The following UGT1A3 variants were observed in gnomAD, a reference collection of about 807,000 sequenced individuals.
The protein encoded by UGT1A3 is UDP glucuronosyltransferase family 1 member A3.
UGT1A3 carries 31 observed loss-of-function variants against 41.0 expected under a neutral mutation model. That is an observed-to-expected ratio of 0.76 (90% CI 0.57 to 1.02). The LOEUF (loss-of-function observed/expected upper bound fraction) is 1.02. Among genes scored for constraint, UGT1A3 ranks in the 50% least tolerant of loss-of-function variants. The probability of loss-of-function intolerance (pLI) is 0.00; values close to 1 mark genes in which losing one functional copy is unlikely to be tolerated. For synonymous variants in UGT1A3, 262 were observed against 257.6 expected, an observed-to-expected ratio of 1.02 and a Z score of -0.17; for missense variants, 737 against 671.0, an observed-to-expected ratio of 1.10 and a Z score of -1.09.
At chr2:233,762,292 A>G (rs1037418079) in intron 1 of UGT1A3, among the ~76,000 whole-genome samples, 1 of 152,236 alleles carries the variant, frequency 6.6e-6, no homozygotes, top group Non-Finnish European at 1.5e-5. Context: ...GAAAGGTGCC[A>G]ACCGAGGTCT....
At chr2:233,759,078 G>A (rs997941103) in intron 1 of UGT1A3, among the ~76,000 whole-genome samples, 3 of 152,214 alleles carry the variant, frequency 2.0e-5, no homozygotes, top group Non-Finnish European at 4.4e-5. Flanking sequence ...TTGGAAGAAA[G>A]AGACTTTGTT....
intron 1 of UGT1A3, chr2:233,747,763 G>A (rs181313522): frequency 8.1e-6 from 13 of 1,613,376 alleles, no homozygotes; most frequent in East Asian, 6.7e-5. Flanking sequence ...GACTTTAAGG[G>A]CACACAGTGT....
At chr2:233,738,810 A>G (rs1410873326) in intron 1 of UGT1A3, 1 of 152,272 alleles carries the variant, frequency 6.6e-6, no homozygotes. Flanking sequence ...CTAGCTAAAG[A>G]AATTTGAATA....
intron 1 of UGT1A3, among the ~76,000 whole-genome samples, chr2:233,758,818 TC>T (rs963233717): frequency 6.6e-6 from 1 of 151,974 alleles, no homozygotes; most frequent in South Asian, 2.1e-4. Context: ...CAGCAGTATA[TC>T]CCCCCCAAAA....
At position 233,772,521 on chromosome 2, in the gene UGT1A3, G is replaced by A. The variant is rs746578451; in HGVS notation, c.1567G>A (p.Gly523Arg). 24 of 1,614,040 alleles carry A rather than the reference G, an allele frequency of 1.5e-5. No individual in the cohort carries two copies. The highest frequency in any genetic ancestry group is 1.7e-6 in the Non-Finnish European group (2 of 1,180,036). ...CTACCGGAAATGCTTGGGGAAAAAA[G>A]GGCGAGTTAAGAAAGCCCACAAATC... ...YGYRKCLGKK[G>R]RVKKAHKSKT... The change falls in exon 5 of 5, where the codon GGG becomes AGG. Residue 523 changes from glycine (G) to arginine (R), a missense_variant. Coordinates refer to ENST00000482026, the MANE Select transcript of UGT1A3 (RefSeq NM_019093.4).
chr2:233,760,562 T>C (rs1218423176), intron 1 of UGT1A3: 6 of 1,614,228 alleles, frequency 3.7e-6, no homozygotes, highest in East Asian at 2.2e-5. Flanking sequence ...AAAGAGTCTT[T>C]TGTTAGTCTC....
At chr2:233,753,960 G>C (rs563043918) in intron 1 of UGT1A3, among the ~76,000 whole-genome samples, 1 of 152,300 alleles carries the variant, frequency 6.6e-6, no homozygotes, top group East Asian at 1.9e-4. Flanking sequence ...AAAATATTAA[G>C]AGAATAACGT....
chr2:233,769,841 G>A lies in UGT1A3; in HGVS notation c.1307+1402G>A. On this transcript the variant is annotated intron_variant, in intron 4 of 4. Transcript: ENST00000482026. The surrounding 1 kb of genome is among the most constrained non-coding windows in gnomAD (Gnocchi z 4.4). ...CTGCACTCCAGCAACCTGGGCAACAGAGTGAGACCCTGTCTCAAAAAAAAA... is the reference window on the plus strand; with the variant it reads ...CTGCACTCCAGCAACCTGGGCAACAAAGTGAGACCCTGTCTCAAAAAAAAA... 1.8e-6 allele frequency: 1 copy of A among 550,094 alleles called. No individual in the cohort carries two copies. Among genetic ancestry groups the A allele is most frequent in the Non-Finnish European group, 2.8e-6 (1 of 353,910 alleles). The allele number at this position is 550,094 out of a possible 1,614,324, so 34.1% of individuals were successfully genotyped here.
chr2:233,759,046 C>G (rs1422861422), intron 1 of UGT1A3, among the ~76,000 whole-genome samples: 1 of 152,268 alleles, frequency 6.6e-6, no homozygotes, highest in South Asian at 2.1e-4. Context: ...CTGTTGTGAA[C>G]AAAAGTTCTC....
intron 1 of UGT1A3, among the ~76,000 whole-genome samples, chr2:233,731,284 C>CTTTTTTTTTTTTT (rs78127606): frequency 7.2e-6 from 1 of 139,766 alleles, no homozygotes. Context: ...GTTTTTCTTT[C>CTTTTTTTTTTTTT]TTTTTTTTTT....
At chr2:233,768,527 T>C in intron 4 of UGT1A3, 88 bp downstream of exon 4, 2 of 1,515,488 alleles carry the variant, frequency 1.3e-6, no homozygotes, top group South Asian at 2.6e-5. Context: ...TAGCATTTAA[T>C]AGCGTTGTTT....
rs762109713 is a variant in UGT1A3, at chr2:233,760,481, C to T, written c.868-6553C>T. On this transcript the variant is annotated intron_variant, in intron 1 of 4. Coordinates refer to ENST00000482026, the MANE Select transcript of UGT1A3 (RefSeq NM_019093.4). ...ATAGTTGTCCTAGCACCTGACGCCT[C>T]GTTGTACATCAGAGACGGAGCATTT... 4.0e-5 allele frequency: 65 copies of T among 1,614,070 alleles called. No individual in the cohort carries two copies. The highest frequency in any genetic ancestry group is 5.3e-5 in the African/African-American group (4 of 74,932).
At chr2:233,758,159 G>T (rs1281366344) in intron 1 of UGT1A3, among the ~76,000 whole-genome samples, 1 of 152,206 alleles carries the variant, frequency 6.6e-6, no homozygotes, top group African/African-American at 2.4e-5. Context: ...AATGGGTTCT[G>T]CTTTGGTTTC....
At chr2:233,731,645 T>A (rs910994370) in intron 1 of UGT1A3, among the ~76,000 whole-genome samples, 2 of 152,242 alleles carry the variant, frequency 1.3e-5, no homozygotes, top group Non-Finnish European at 2.9e-5. Context: ...TAGTATTCCA[T>A]GGTGTATATG....
chr2:233,770,091 G>A (rs1182025509), intron 4 of UGT1A3: 1 of 152,674 alleles, frequency 6.5e-6, no homozygotes, highest in East Asian at 1.9e-4. Context: ...CAGTGGTATA[G>A]ATAACTACTT....
intron 1 of UGT1A3, among the ~76,000 whole-genome samples, chr2:233,733,461 T>C (rs1181074493): frequency 2.0e-5 from 3 of 152,224 alleles, no homozygotes. Flanking sequence ...TAAATAGCTC[T>C]TATTATTTTG....
chr2:233,772,784 A>G lies in UGT1A3; in HGVS notation c.*225A>G. ...CGTGCCCCCTCTGGTGTCTTTGATCAGGATGACATGTGCCATTTTTCAGAG... is the reference window on the plus strand; with the variant it reads ...CGTGCCCCCTCTGGTGTCTTTGATCGGGATGACATGTGCCATTTTTCAGAG... On this transcript the variant is annotated 3_prime_UTR_variant, in exon 5 of 5. Transcript: ENST00000482026. 1 of 1,271,314 alleles carries G rather than the reference A, an allele frequency of 7.9e-7. No homozygotes were observed. Among genetic ancestry groups the G allele is most frequent in the Non-Finnish European group, 1.0e-6 (1 of 961,544 alleles). 78.8% of individuals were successfully genotyped at this position (1,271,314 alleles called of 1,614,324 possible).
intron 1 of UGT1A3, among the ~76,000 whole-genome samples, chr2:233,752,861 G>T (rs1247616817): frequency 2.0e-5 from 3 of 152,178 alleles, no homozygotes; most frequent in Non-Finnish European, 2.9e-5. Context: ...TGAACTTTGT[G>T]TTAGCTTTCA....
At chr2:233,755,060 C>G (rs747080554) in intron 1 of UGT1A3, 1 of 1,334,970 alleles carries the variant, frequency 7.5e-7, no homozygotes, top group South Asian at 1.1e-5. Context: ...CCGCCCTCGC[C>G]TCGCCATAGC....
Sources: allele counts gnomAD v4.1 joint callset (sites outside exome capture counted in the v4.1 genomes callset), GRCh38; gene constraint gnomAD v4.1.1; non-coding constraint Gnocchi (gnomAD v3.1); transcripts MANE v1.5; gene names NCBI Gene and HGNC (gene_info 2026-07-23, HGNC 2026-07-21).